Variants in ASTN2 observed in about 807,000 individuals in gnomAD.
ASTN2 encodes astrotactin-2.
Under a neutral mutation model 139.8 loss-of-function variants are expected in ASTN2, and 54 were observed. The ratio of observed to expected loss-of-function variants is 0.39; its 90% CI spans 0.31 to 0.48. The LOEUF (loss-of-function observed/expected upper bound fraction) is 0.48. ASTN2 is among the 20% of genes least tolerant of loss of function. ASTN2 has a pLI of 0.95. For synonymous variants in ASTN2, 756 were observed against 719.5 expected (o/e 1.05, Z -0.81); for missense variants, 1,565 against 1,725.1 (o/e 0.91, Z 1.64).
intron 10 of ASTN2, among the ~76,000 whole-genome samples, chr9:116,964,248 T>C (rs1180323627): frequency 1.8e-4 from 25 of 135,214 alleles, no homozygotes; most frequent in Non-Finnish European, 3.2e-5. Context: ...TGTGTGTGTG[T>C]GTGTGTGTGC....
At chr9:116,636,811 G>A (rs556852183) in intron 17 of ASTN2, among the ~76,000 whole-genome samples, 1 of 152,334 alleles carries the variant, frequency 6.6e-6, no homozygotes, top group Non-Finnish European at 1.5e-5. Context: ...GAAAATTCAT[G>A]TTGAATCTTA....
intron 10 of ASTN2, among the ~76,000 whole-genome samples, chr9:116,887,422 A>T (rs1833641566): frequency 6.6e-6 from 1 of 151,576 alleles, no homozygotes; most frequent in Admixed American, 6.6e-5. Flanking sequence ...ACAGAGGGAG[A>T]AAGGGAATTC....
At chr9:117,099,107 CA>C (rs34900374) in intron 4 of ASTN2, among the ~76,000 whole-genome samples, 18,976 of 116,696 alleles carry the variant, frequency 0.16, 1,178 homozygotes, top group East Asian at 0.2. Context: ...ACTCCGTCTC[CA>C]AAAAAAAAAA....
chr9:117,186,708 C>T (rs538568727), intron 3 of ASTN2, among the ~76,000 whole-genome samples: 106 of 152,272 alleles, frequency 7.0e-4, no homozygotes, highest in African/African-American at 2.5e-3. Context: ...ATTCACTCCT[C>T]AATTATTTAT....
intron 10 of ASTN2, among the ~76,000 whole-genome samples, chr9:116,877,264 T>C (rs1833327774): frequency 6.6e-6 from 1 of 152,194 alleles, no homozygotes; most frequent in South Asian, 2.1e-4. Flanking sequence ...AGCAGCACCC[T>C]TCTGCAGAAG....
chr9:116,872,931 G>A (rs1833203958), intron 10 of ASTN2, among the ~76,000 whole-genome samples: 1 of 152,136 alleles, frequency 6.6e-6, no homozygotes, highest in Non-Finnish European at 1.5e-5. Context: ...AGATTCCTGT[G>A]TGCCAGGCCA....
At chr9:116,932,478 T>C (rs1348183564) in intron 10 of ASTN2, among the ~76,000 whole-genome samples, 1 of 152,160 alleles carries the variant, frequency 6.6e-6, no homozygotes, top group Non-Finnish European at 1.5e-5. Flanking sequence ...AAGTAAGTGA[T>C]AGCAGCTCCA....
At chr9:116,552,818 A>C (rs989895756) in intron 19 of ASTN2, among the ~76,000 whole-genome samples, 1 of 152,260 alleles carries the variant, frequency 6.6e-6, no homozygotes, top group Non-Finnish European at 1.5e-5. Context: ...CTCTGATCTA[A>C]GCTGCATGGG....
chr9:116,685,222 C>A (rs890624297), intron 16 of ASTN2, among the ~76,000 whole-genome samples: 1 of 152,122 alleles, frequency 6.6e-6, no homozygotes, highest in Non-Finnish European at 1.5e-5. Context: ...CCCCCCCACT[C>A]AGGAACTGAC....
intron 1 of ASTN2, among the ~76,000 whole-genome samples, chr9:117,387,623 A>C (rs1830432862): frequency 6.6e-6 from 1 of 152,186 alleles, no homozygotes; most frequent in Non-Finnish European, 1.5e-5. Flanking sequence ...GAGATGGAAA[A>C]GCAAAGAATC....
chr9:117,242,130 A>G (rs1359032441), intron 2 of ASTN2, among the ~76,000 whole-genome samples: 1 of 146,002 alleles, frequency 6.8e-6, no homozygotes, highest in Non-Finnish European at 1.5e-5. Flanking sequence ...ATGGGGTCCA[A>G]TTAGTTTCAT....
At chr9:117,160,132 G>A (rs866128579) in intron 3 of ASTN2, among the ~76,000 whole-genome samples, 2 of 151,968 alleles carry the variant, frequency 1.3e-5, no homozygotes, top group Non-Finnish European at 2.9e-5. Flanking sequence ...ACATCAATAG[G>A]ATGGGAAAGT....
chr9:117,209,645 A>T (rs1051890563), intron 3 of ASTN2, among the ~76,000 whole-genome samples: 12 of 152,156 alleles, frequency 7.9e-5, no homozygotes, highest in Non-Finnish European at 1.3e-4. Flanking sequence ...TGGACAGATC[A>T]TCTAGACAGA....
chr9:117,109,339 T>A (rs920811273), intron 4 of ASTN2, among the ~76,000 whole-genome samples: 3 of 34,772 alleles, frequency 8.6e-5, no homozygotes, highest in East Asian at 2.6e-3. Context: ...TCTCAAAAAA[T>A]AAATAAATAA....
rs371550226 is a variant in ASTN2 at position 116,746,173 on chromosome 9, G to C, written c.2397-12650C>G. On this transcript the variant is annotated intron_variant, in intron 13 of 22. Coordinates refer to ENST00000313400, the MANE Select transcript of ASTN2 (RefSeq NM_001365068.1). Reference sequence around the variant, plus strand: ...GCCATCTCAGCTCACTGCAACTTCCGACTCCTGGATTCAAGCGATTCTCCT... The same window carrying C: ...GCCATCTCAGCTCACTGCAACTTCCCACTCCTGGATTCAAGCGATTCTCCT... Among the ~76,000 whole-genome samples the C allele has an allele frequency of 1.0e-4, 15 of 146,814 alleles. 2 individuals carry two copies. Among genetic ancestry groups the C allele is most frequent in the Admixed American group, 4.2e-4 (6 of 14,166 alleles).
intron 2 of ASTN2, among the ~76,000 whole-genome samples, chr9:117,253,170 G>A (rs1297463444): frequency 6.6e-6 from 1 of 152,172 alleles, no homozygotes; most frequent in African/African-American, 2.4e-5. Context: ...CATCTCTGGA[G>A]GCCTGGTCCC....
intron 5 of ASTN2, among the ~76,000 whole-genome samples, chr9:117,063,210 T>C (rs1326779430): frequency 6.6e-6 from 1 of 152,210 alleles, no homozygotes; most frequent in Non-Finnish European, 1.5e-5. Context: ...AGTTTATAAT[T>C]TTGTCCTTCA....
intron 16 of ASTN2, among the ~76,000 whole-genome samples, chr9:116,703,487 A>G (rs954049959): frequency 6.6e-6 from 1 of 151,738 alleles, no homozygotes; most frequent in Non-Finnish European, 1.5e-5. Context: ...CAAAAAACCA[A>G]ACACCGCATA....
At chr9:116,600,467 A>G (rs938253648) in intron 19 of ASTN2, among the ~76,000 whole-genome samples, 38 of 152,292 alleles carry the variant, frequency 2.5e-4, no homozygotes, top group African/African-American at 8.7e-4. Flanking sequence ...AGAAATGTAG[A>G]TTAAATGGTC....
Sources: gnomAD v4.1 joint callset for allele counts (sites outside exome capture counted in the v4.1 genomes callset) on GRCh38, gnomAD v4.1.1 for gene constraint, MANE v1.5 for transcripts, NCBI Gene and HGNC (gene_info 2026-07-23, HGNC 2026-07-21) for gene names.